Variants in PPP2R5A observed in about 807,000 individuals in gnomAD.
PPP2R5A encodes protein phosphatase 2 regulatory subunit B'alpha, also known as serine/threonine-protein phosphatase 2A 56 kDa regulatory subunit alpha isoform.
PPP2R5A carries 25 observed loss-of-function variants against 64.2 expected under a neutral mutation model. The ratio of observed to expected loss-of-function variants is 0.39; its 90% CI spans 0.28 to 0.54. The LOEUF is 0.54. PPP2R5A is among the 20% of genes least tolerant of loss of function. The probability of loss-of-function intolerance (pLI) is 0.67; values close to 1 mark genes in which losing one functional copy is unlikely to be tolerated. For synonymous variants in PPP2R5A, 198 were observed against 201.2 expected, an observed-to-expected ratio of 0.98 and a Z score of 0.13; for missense variants, 425 against 576.3, an observed-to-expected ratio of 0.74 and a Z score of 2.69.
intron 1 of PPP2R5A, among the ~76,000 whole-genome samples, chr1:212,317,166 G>A (rs1161531388): frequency 1.3e-5 from 2 of 151,936 alleles, no homozygotes; most frequent in African/African-American, 2.4e-5. Flanking sequence ...TTGAGTTTTC[G>A]CTGAAATTTG....
intron 1 of PPP2R5A, among the ~76,000 whole-genome samples, chr1:212,322,755 T>TTTTTTTTATTTA (rs1553275151): frequency 1.7e-4 from 25 of 147,100 alleles, no homozygotes; most frequent in African/African-American, 5.2e-4. Flanking sequence ...TTAATTCTCA[T>TTTTTTTTATTTA]TTTATTTATT....
chr1:212,311,325 G>A (rs1378232488), intron 1 of PPP2R5A, among the ~76,000 whole-genome samples: 1 of 151,998 alleles, frequency 6.6e-6, no homozygotes, highest in South Asian at 2.1e-4. Flanking sequence ...AAAATTAGTC[G>A]GGTGTGGTGG....
chr1:212,286,861 TAAAG>T (rs1281472531), intron 1 of PPP2R5A, among the ~76,000 whole-genome samples: 1 of 152,198 alleles, frequency 6.6e-6, no homozygotes, highest in Non-Finnish European at 1.5e-5. Context: ...GATGTATTTA[TAAAG>T]AAAAAGCCTA....
chr1:212,296,329 G>A (rs1658690716), intron 1 of PPP2R5A, among the ~76,000 whole-genome samples: 1 of 152,126 alleles, frequency 6.6e-6, no homozygotes, highest in Non-Finnish European at 1.5e-5. Context: ...ATAGATCACT[G>A]CATATGTGAA....
At chr1:212,342,031 A>T (rs12750008) in intron 3 of PPP2R5A, among the ~76,000 whole-genome samples, 157 bp from the exon 4 acceptor site, 2,051 of 152,204 alleles carry the variant, frequency 0.013, 13 homozygotes, top group Non-Finnish European at 0.02. Flanking sequence ...GTGAATTTTT[A>T]AAAAAAATTT....
At chr1:212,329,412 A>C in intron 2 of PPP2R5A, 81 bp downstream of exon 2, 2 of 1,204,660 alleles carry the variant, frequency 1.7e-6, no homozygotes, top group Non-Finnish European at 2.3e-6. Context: ...CTGATTTTAA[A>C]TAAATGTACA....
intron 1 of PPP2R5A, among the ~76,000 whole-genome samples, chr1:212,303,466 TTA>T (rs1272092166): frequency 2.0e-5 from 3 of 152,172 alleles, no homozygotes; most frequent in Non-Finnish European, 2.9e-5. Context: ...TAAGAATTCT[TTA>T]TATGTCCTTG....
intron 12 of PPP2R5A, among the ~76,000 whole-genome samples, chr1:212,359,509 GA>G (rs1189480644): frequency 2.0e-5 from 3 of 152,140 alleles, no homozygotes; most frequent in African/African-American, 7.2e-5. Flanking sequence ...AATCTTTCAA[GA>G]GTTACTTTCT....
At position 212,358,811 on chromosome 1, in the gene PPP2R5A, A is replaced by G. The variant is rs748003698; in HGVS notation, c.1328+24A>G. The G allele has an allele frequency of 4.5e-6, 7 of 1,556,544 alleles. No homozygotes were observed. The African/African-American group carries it at 5.4e-5, about 12-fold the overall frequency. ...AGGTATTTGATATTTTGAATTACAA[A>G]ATTATCTATACATTTTATGTTAGTT... On this transcript the variant is annotated intron_variant, in intron 12 of 12. Transcript: ENST00000261461.
Position 212,329,160 on chromosome 1 carries a change from G to T in PPP2R5A, c.207G>T (p.Glu69Asp). Residue 69 changes from glutamate to aspartate, a missense_variant, in exon 2 of 13, where the codon GAG (glutamate) becomes GAT (aspartate). This residue lies in a region of PPP2R5A where 104 missense variants were observed against 95.7 expected (regional missense o/e 1.09). Transcript: ENST00000261461. Reference protein sequence around the residue: ...LKDATSNEQQELFCQKLQQCC... With the variant: ...LKDATSNEQQDLFCQKLQQCC... ...ATGCCACTTCAAATGAACAACAAGAGCTTTTCTGTCAGAAGTTGCAGCAGT... is the reference window on the plus strand; with the variant it reads ...ATGCCACTTCAAATGAACAACAAGATCTTTTCTGTCAGAAGTTGCAGCAGT... 6.5e-7 allele frequency: 1 copy of T among 1,534,104 alleles called. No individual in the cohort carries two copies. The highest frequency in any genetic ancestry group is 8.8e-7 in the Non-Finnish European group (1 of 1,140,656).
intron 8 of PPP2R5A, among the ~76,000 whole-genome samples, chr1:212,353,911 G>C (rs1257775570): frequency 1.3e-5 from 2 of 152,130 alleles, no homozygotes; most frequent in Non-Finnish European, 2.9e-5. Flanking sequence ...CGGGCCGGGC[G>C]CTGTGGCTCA....
At chr1:212,321,120 T>C (rs1659277534) in intron 1 of PPP2R5A, among the ~76,000 whole-genome samples, 1 of 121,934 alleles carries the variant, frequency 8.2e-6, no homozygotes, top group South Asian at 2.8e-4. Context: ...GAGGGGCTCC[T>C]CTCTTCCCAG....
intron 1 of PPP2R5A, among the ~76,000 whole-genome samples, chr1:212,326,438 A>G: frequency 6.6e-6 from 1 of 152,070 alleles, no homozygotes; most frequent in East Asian, 1.9e-4. Context: ...TATTAAAAAA[A>G]ATACAAAAAT....
At chr1:212,312,358 A>T (rs924131005) in intron 1 of PPP2R5A, among the ~76,000 whole-genome samples, 1 of 152,238 alleles carries the variant, frequency 6.6e-6, no homozygotes, top group African/African-American at 2.4e-5. Flanking sequence ...CTGTACCACT[A>T]GCTCTTGGTA....
At chr1:212,300,050 G>C (rs1658771782) in intron 1 of PPP2R5A, among the ~76,000 whole-genome samples, 1 of 152,148 alleles carries the variant, frequency 6.6e-6, no homozygotes, top group Non-Finnish European at 1.5e-5. Flanking sequence ...TTGACCTCAA[G>C]TGATCTGCCT....
intron 11 of PPP2R5A, 117 bp from the exon 12 acceptor site, chr1:212,358,569 T>C (rs1660025039): frequency 1.5e-6 from 1 of 676,440 alleles, no homozygotes; most frequent in Admixed American, 3.1e-5. Flanking sequence ...AGTTTTATCA[T>C]CTCTAAAATG....
intron 6 of PPP2R5A, among the ~76,000 whole-genome samples, chr1:212,347,736 G>T (rs905515815): frequency 6.6e-6 from 1 of 151,928 alleles, no homozygotes; most frequent in Non-Finnish European, 1.5e-5. Flanking sequence ...AGTAGCGATG[G>T]GGTTTCACCG....
At chr1:212,351,992 TTTA>T (rs1659891045) in intron 8 of PPP2R5A, among the ~76,000 whole-genome samples, 1 of 149,884 alleles carries the variant, frequency 6.7e-6, no homozygotes, top group Non-Finnish European at 1.5e-5. Flanking sequence ...TATATTTTAT[TTTA>T]TTATTTTATT....
intron 1 of PPP2R5A, among the ~76,000 whole-genome samples, chr1:212,328,385 T>G (rs1277150395): frequency 6.6e-6 from 1 of 151,770 alleles, no homozygotes; most frequent in Non-Finnish European, 1.5e-5. Context: ...GTTCCCAGGG[T>G]GGGAATGTGG....
Sources: allele counts gnomAD v4.1 joint callset (sites outside exome capture counted in the v4.1 genomes callset), GRCh38; gene constraint gnomAD v4.1.1; regional missense constraint gnomAD v4.1.1; transcripts MANE v1.5; gene names NCBI Gene and HGNC (gene_info 2026-07-23, HGNC 2026-07-21).